The following C6orf62 variants were observed in gnomAD, a reference collection of about 807,000 sequenced individuals.
C6orf62 encodes uncharacterized protein C6orf62.
A neutral mutation model predicts 26.8 loss-of-function variants in C6orf62; 16 were observed. The ratio of observed to expected loss-of-function variants is 0.60; its 90% CI spans 0.40 to 0.91. The LOEUF (loss-of-function observed/expected upper bound fraction) is 0.91, where lower values mean the gene tolerates loss of function less well. Among genes scored for constraint, C6orf62 ranks in the 40% least tolerant of loss-of-function variants. The probability of loss-of-function intolerance (pLI) is 0.00; values close to 1 mark genes in which losing one functional copy is unlikely to be tolerated. For missense variants in C6orf62, 192 were observed against 271.4 expected (o/e 0.71, Z 2.06); for synonymous variants, 112 against 91.5 (o/e 1.22, Z -1.28).
At chr6:24,719,754 A>T, upstream of C6orf62, 1 of 1,541,684 alleles carries the variant, frequency 6.5e-7, no homozygotes, top group Non-Finnish European at 8.7e-7. Context: ...GCCGAGGCAA[A>T]GGTGGCGGGT....
upstream of C6orf62, chr6:24,720,384 A>C (rs2127637831): frequency 1.7e-6 from 2 of 1,188,078 alleles, no homozygotes; most frequent in Non-Finnish European, 2.1e-6. Flanking sequence ...TGCAGTGCGC[A>C]CCGTGACTGG....
At chr6:24,717,472 G>A (rs1345282195) in intron 1 of C6orf62, among the ~76,000 whole-genome samples, 1 of 152,204 alleles carries the variant, frequency 6.6e-6, no homozygotes, top group Non-Finnish European at 1.5e-5. Flanking sequence ...AGCTAAGAAT[G>A]TTCTTAAATA....
chr6:24,716,966 G>A lies in C6orf62; in HGVS notation c.130-642C>T, dbSNP rs532281707. On this transcript the variant is annotated intron_variant, in intron 1 of 4. Transcript: ENST00000378119. ...TTGAACTCCTGACCTCAAGTGATCC[G>A]CCTGCCTCAGCCTCCCAAAGTGCTG... Among the ~76,000 whole-genome samples the A allele has an allele frequency of 7.2e-5, 11 of 152,000 alleles. No individual in the cohort carries two copies. In the South Asian group the frequency reaches 1.5e-3, roughly 20 times the overall value.
chr6:24,710,676 C>G, intron 3 of C6orf62: 1 of 962,128 alleles, frequency 1.0e-6, no homozygotes, highest in Non-Finnish European at 1.2e-6. Context: ...AGAGGATTTC[C>G]CCAGGACAAA....
rs750107179 is a variant in C6orf62 at position 24,718,639 on chromosome 6, T to C, written c.30A>G (p.Gln10=). 4 of 1,613,846 alleles carry C rather than the reference T, an allele frequency of 2.5e-6. No homozygotes were observed. The change falls in exon 1 of 5, where the codon CAA becomes CAG. Residue 10 remains glutamine (Q), a synonymous_variant. Transcript: ENST00000378119. The stretch of plus-strand genomic sequence containing the variant: ...GCTGAGCACGTAGTCTGTTCAGAGC[T>C]TGTTTCTTCCGGGAGTTTGGGTCCC... MGDPNSRKK[Q]ALNRLRAQLR...
chr6:24,720,386 C>G (rs934575826), upstream of C6orf62: 2 of 1,177,250 alleles, frequency 1.7e-6, no homozygotes, highest in Non-Finnish European at 1.0e-6. Context: ...CAGTGCGCAC[C>G]GTGACTGGAC....
intron 3 of C6orf62, chr6:24,709,345 A>G: frequency 1.0e-6 from 1 of 985,340 alleles, no homozygotes; most frequent in Non-Finnish European, 1.2e-6. Context: ...CTCCCACCAT[A>G]GTACTTTAAG....
At chr6:24,717,768 A>ACATTCATAACCTCC (rs1232580070) in intron 1 of C6orf62, among the ~76,000 whole-genome samples, 1 of 152,266 alleles carries the variant, frequency 6.6e-6, no homozygotes, top group Middle Eastern at 3.2e-3. Context: ...GCACTTCCTT[A>ACATTCATAACCTCC]CATTCATAAC....
At position 24,714,878 on chromosome 6, in the gene C6orf62, C is replaced by T. The variant is rs566932621; in HGVS notation, c.307-438G>A. ...AGGTGATCCACCCACCTCAGCCTCC[C>T]GAAGTGCTGGGATTACAGGCTAAGT... On this transcript the variant is annotated intron_variant, in intron 2 of 4. Coordinates refer to ENST00000378119, the MANE Select transcript of C6orf62 (RefSeq NM_030939.5). Among the ~76,000 whole-genome samples the T allele has an allele frequency of 3.3e-5, 5 of 152,244 alleles. No homozygotes were observed. In the East Asian group the frequency reaches 7.7e-4, roughly 24 times the overall value.
At chr6:24,719,968 G>C, upstream of C6orf62, 7 of 1,546,858 alleles carry the variant, frequency 4.5e-6, no homozygotes, top group East Asian at 2.4e-5. Context: ...AGGTTCAGTG[G>C]GGGAAAAAAA....
intron 3 of C6orf62, chr6:24,709,618 T>C: frequency 1.0e-6 from 1 of 985,470 alleles, no homozygotes; most frequent in Non-Finnish European, 1.2e-6. Flanking sequence ...GGCTATGTTT[T>C]TATGTGAATT....
rs199572171 is a variant in C6orf62 at position 24,714,453 on chromosome 6, T to TA, written c.307-14dup. ...AGCCAATTACATCCTATAAAATGAT[T>TA]AAAAAAAAAAAAGTTTACTTTTAAA... is the stretch of plus-strand genomic sequence containing the variant. On this transcript the variant is annotated splice_polypyrimidine_tract_variant and intron_variant, in intron 2 of 4. Coordinates refer to ENST00000378119, the MANE Select transcript of C6orf62 (RefSeq NM_030939.5). 0.24 allele frequency: 316,109 copies of TA among 1,314,036 alleles called. 11,382 individuals are homozygous for TA. Among genetic ancestry groups the TA allele is most frequent in the Middle Eastern group, 0.27 (1,364 of 4,998 alleles). The allele number at this position is 1,314,036 out of a possible 1,614,324, so 81.4% of individuals were successfully genotyped here.
At chr6:24,714,481 A>AAC in intron 2 of C6orf62, 41 bp from the exon 3 acceptor site, 1 of 1,474,178 alleles carries the variant, frequency 6.8e-7, no homozygotes, top group East Asian at 2.3e-5. Flanking sequence ...CTTTTAAAGA[A>AAC]ACAGCTACAT....
intron 3 of C6orf62, among the ~76,000 whole-genome samples, chr6:24,710,833 T>C (rs1369158832): frequency 6.6e-6 from 1 of 151,856 alleles, no homozygotes; most frequent in East Asian, 1.9e-4. Context: ...ATCCTATCTC[T>C]ACAAAAATAA....
intron 3 of C6orf62, among the ~76,000 whole-genome samples, chr6:24,713,101 A>G (rs78267269): frequency 0.034 from 5,225 of 152,302 alleles, 209 homozygotes; most frequent in African/African-American, 0.096. Flanking sequence ...ACCCAGTGTA[A>G]GTTACACGTA....
In C6orf62 at chr6:24,705,308, AAAACCAAAAACAAAAC is replaced by A. The variant is rs1778984684; in HGVS notation, c.*813_*828del. 1 of 151,872 alleles carries A rather than the reference AAAACCAAAAACAAAAC, an allele frequency of 6.6e-6. No homozygotes were observed. The highest frequency in any genetic ancestry group is 6.6e-5 in the Admixed American group (1 of 15,230). The allele number at this position is 151,872 out of a possible 1,614,324, so 9.4% of individuals were successfully genotyped here. ...TTTGTAATAAAAATCTCTTCTCTGT[AAAACCAAAAACAAAAC>A]AAAACAAAACAAAACAAAACCAAAA... On this transcript the variant is annotated 3_prime_UTR_variant, in exon 5 of 5. Transcript: ENST00000378119.
At chr6:24,716,120 T>C in intron 2 of C6orf62, 28 bp downstream of exon 2, 1 of 1,597,242 alleles carries the variant, frequency 6.3e-7, no homozygotes, top group Non-Finnish European at 8.6e-7. Flanking sequence ...AGAAACTTTA[T>C]CAAGTCAAGA....
chr6:24,710,446 T>A, intron 3 of C6orf62: 1 of 398,182 alleles, frequency 2.5e-6, no homozygotes, highest in Non-Finnish European at 3.4e-6. Flanking sequence ...GTGTTTTTAG[T>A]AGAGATAGGA....
chr6:24,717,892 T>A (rs753533549), intron 1 of C6orf62, among the ~76,000 whole-genome samples: 8 of 152,232 alleles, frequency 5.3e-5, no homozygotes, highest in Non-Finnish European at 1.2e-4. Flanking sequence ...TACTGTTTGC[T>A]ATTTAACTGC....
Sources: gnomAD v4.1 joint callset for allele counts (sites outside exome capture counted in the v4.1 genomes callset) on GRCh38, gnomAD v4.1.1 for gene constraint, MANE v1.5 for transcripts, NCBI Gene and HGNC (gene_info 2026-07-23, HGNC 2026-07-21) for gene names.